ZRANB3: variants seen among roughly 807,000 people sequenced by gnomAD.
ZRANB3 encodes zinc finger RANBP2-type containing 3.
Under a neutral mutation model 133.8 loss-of-function variants are expected in ZRANB3, and 125 were observed. The observed-to-expected ratio is 0.93, with a 90% confidence interval of 0.81 to 1.08. The LOEUF (loss-of-function observed/expected upper bound fraction) is 1.08. ZRANB3 is among the 50% of genes least tolerant of loss of function. The pLI is 0.00. For synonymous variants in ZRANB3, 387 were observed against 432.7 expected (o/e 0.89, Z 1.31); for missense variants, 1,229 against 1,275.5 (o/e 0.96, Z 0.56).
intron 2 of ZRANB3, among the ~76,000 whole-genome samples, chr2:135,499,145 C>G (rs1692822615): frequency 6.6e-6 from 1 of 152,026 alleles, no homozygotes; most frequent in Non-Finnish European, 1.5e-5. Flanking sequence ...TGATGTCTCC[C>G]CTGGACATCC....
chr2:135,447,766 G>T (rs1393902998), intron 2 of ZRANB3, among the ~76,000 whole-genome samples: 1 of 152,070 alleles, frequency 6.6e-6, no homozygotes, highest in Non-Finnish European at 1.5e-5. Flanking sequence ...CAGTAAATTT[G>T]CTGAACCTTT....
Position 135,504,111 on chromosome 2 carries a change from TAACTG to T in ZRANB3, c.161+213_161+217del, listed in dbSNP as rs962957467. 13 of 611,642 alleles carry T rather than the reference TAACTG, an allele frequency of 2.1e-5. No individual in the cohort carries two copies. The Admixed American group carries it at 3.2e-4, about 15-fold the overall frequency. 37.9% of individuals were successfully genotyped at this position (611,642 alleles called of 1,614,324 possible). A position where few individuals can be genotyped will look rare whatever the true frequency, so the allele number is the denominator to read the frequency against. On this transcript the variant is annotated intron_variant, in intron 2 of 20. Coordinates refer to ENST00000264159, the MANE Select transcript of ZRANB3 (RefSeq NM_032143.4). ...TATCTGATAACTGAAATAATTAAGA[TAACTG>T]AACATACTTTCTCTTAAGAAATCAC...
chr2:135,499,000 A>G (rs1425219341), intron 2 of ZRANB3, among the ~76,000 whole-genome samples: 3 of 152,060 alleles, frequency 2.0e-5, no homozygotes, highest in Non-Finnish European at 2.9e-5. Flanking sequence ...CATTTGCCTT[A>G]TGATATTTTA....
intron 6 of ZRANB3, among the ~76,000 whole-genome samples, chr2:135,323,706 TACTC>T (rs916674541): frequency 6.6e-6 from 1 of 152,116 alleles, no homozygotes; most frequent in African/African-American, 2.4e-5. Context: ...AACTCTCAAA[TACTC>T]AATAAACTAG....
chr2:135,350,026 G>A lies in ZRANB3; in HGVS notation c.549C>T (p.Ala183=). 4 of 1,613,764 alleles carry A rather than the reference G, an allele frequency of 2.5e-6. No homozygotes were observed. The South Asian group carries it at 3.3e-5, about 13-fold the overall frequency. Residue 183 remains alanine, a synonymous_variant, in exon 5 of 21, where the codon GCC becomes GCT. Transcript: ENST00000264159. The stretch of plus-strand genomic sequence containing the variant: ...AAGCTGGTGTTCCTGTAAGAAGAAT[G>A]GCTCGTCTGGCTTTCTGTACTATTG... The part of the protein sequence containing the change: ...LLPIVQKARR[A]ILLTGTPALG...
intron 3 of ZRANB3, among the ~76,000 whole-genome samples, chr2:135,355,071 G>C (rs1291047405): frequency 6.6e-6 from 1 of 152,164 alleles, no homozygotes; most frequent in African/African-American, 2.4e-5. Context: ...TTTAAATGCT[G>C]AGCAAAACTA....
At position 135,408,971 on chromosome 2, in the gene ZRANB3, T is replaced by TA. The variant is rs1179738556; in HGVS notation, c.162-18152dup. On this transcript the variant is annotated intron_variant, in intron 2 of 20. Coordinates refer to ENST00000264159, the MANE Select transcript of ZRANB3 (RefSeq NM_032143.4). ...CAGATGTACCCTAGAACTTAGAGTA[T>TA]AAAAAAAAAAGAAAAAGAAATGCCT... Among the ~76,000 whole-genome samples, 135 of 147,310 alleles carry TA rather than the reference T, an allele frequency of 9.2e-4. 1 individual carries two copies. Among genetic ancestry groups the TA allele is most frequent in the African/African-American group, 2.8e-3 (114 of 40,202 alleles).
intron 2 of ZRANB3, among the ~76,000 whole-genome samples, chr2:135,474,036 C>T (rs979934584): frequency 2.0e-5 from 3 of 151,826 alleles, no homozygotes; most frequent in Non-Finnish European, 4.4e-5. Flanking sequence ...AACAAAAATA[C>T]GAAAAATAGC....
At chr2:135,202,695 G>C (rs915336123) in intron 20 of ZRANB3, 137 bp downstream of exon 20, 4 of 1,056,794 alleles carry the variant, frequency 3.8e-6, no homozygotes, top group Non-Finnish European at 5.2e-6. Flanking sequence ...GCAAGTGTTG[G>C]GTGATGAAAG....
intron 2 of ZRANB3, among the ~76,000 whole-genome samples, chr2:135,442,758 G>A (rs1331681660): frequency 6.6e-6 from 1 of 152,186 alleles, no homozygotes; most frequent in Non-Finnish European, 1.5e-5. Flanking sequence ...TATGTTTACT[G>A]TGACACTATT....
At chr2:135,379,696 C>T (rs1399943216) in intron 3 of ZRANB3, among the ~76,000 whole-genome samples, 1 of 152,168 alleles carries the variant, frequency 6.6e-6, no homozygotes, top group East Asian at 1.9e-4. Context: ...GTACCAGTCA[C>T]TGCAAAAACA....
intron 16 of ZRANB3, among the ~76,000 whole-genome samples, chr2:135,218,840 T>C (rs905174020): frequency 1.2e-4 from 18 of 152,220 alleles, no homozygotes; most frequent in Non-Finnish European, 2.5e-4. Flanking sequence ...GATGATTCTA[T>C]CCACAGAAAC....
At chr2:135,260,204 G>A (rs1679888680) in intron 12 of ZRANB3, among the ~76,000 whole-genome samples, 1 of 152,132 alleles carries the variant, frequency 6.6e-6, no homozygotes, top group Admixed American at 6.5e-5. Context: ...AGCCACTGTA[G>A]AGAAATCAAA....
chr2:135,463,606 G>A (rs958300694), intron 2 of ZRANB3, among the ~76,000 whole-genome samples: 6 of 151,754 alleles, frequency 4.0e-5, no homozygotes, highest in Non-Finnish European at 8.8e-5. Flanking sequence ...TCGTAGAGTC[G>A]GGGTTTCGCC....
intron 9 of ZRANB3, 95 bp from the exon 10 acceptor site, chr2:135,271,982 C>A: frequency 7.7e-7 from 1 of 1,300,578 alleles, no homozygotes; most frequent in Non-Finnish European, 9.9e-7. Flanking sequence ...GGTCACATAA[C>A]AAAATGGAAC....
At chr2:135,310,301 A>G (rs569955812) in intron 8 of ZRANB3, among the ~76,000 whole-genome samples, 3 of 151,982 alleles carry the variant, frequency 2.0e-5, no homozygotes, top group Non-Finnish European at 2.9e-5. Flanking sequence ...GAATAGACCA[A>G]TGAATGAGAA....
intron 8 of ZRANB3, among the ~76,000 whole-genome samples, chr2:135,311,584 A>C (rs1378887495): frequency 6.6e-6 from 1 of 151,522 alleles, no homozygotes; most frequent in Admixed American, 6.6e-5. Flanking sequence ...GAAAGAATAA[A>C]AAAAAAAAAA....
At chr2:135,525,204 A>G (rs572894502) in intron 1 of ZRANB3, among the ~76,000 whole-genome samples, 1 of 152,328 alleles carries the variant, frequency 6.6e-6, no homozygotes, top group African/African-American at 2.4e-5. Context: ...TACACAAAAG[A>G]GACTAAACAC....
At chr2:135,479,563 G>A (rs973922902) in intron 2 of ZRANB3, among the ~76,000 whole-genome samples, 1 of 152,102 alleles carries the variant, frequency 6.6e-6, no homozygotes, top group African/African-American at 2.4e-5. Context: ...CTACTTGGAA[G>A]GCTGAGGCGA....
Sources: gnomAD v4.1 joint callset for allele counts (sites outside exome capture counted in the v4.1 genomes callset) on GRCh38, gnomAD v4.1.1 for gene constraint, MANE v1.5 for transcripts, NCBI Gene and HGNC (gene_info 2026-07-23, HGNC 2026-07-21) for gene names.